CMIP: variants seen among roughly 807,000 people sequenced by gnomAD.
The protein encoded by CMIP is C-Maf-inducing protein.
CMIP carries 13 observed loss-of-function variants against 97.3 expected under a neutral mutation model. The ratio of observed to expected loss-of-function variants is 0.13; its 90% CI spans 0.09 to 0.21. The LOEUF (loss-of-function observed/expected upper bound fraction) is 0.21, where lower values mean the gene tolerates loss of function less well. CMIP is among the 10% of genes least tolerant of loss of function. CMIP has a pLI of 1.00. For missense variants in CMIP, 847 were observed against 1,024.9 expected (o/e 0.83, Z 2.37); for synonymous variants, 538 against 436.3 (o/e 1.23, Z -2.91).
intron 1 of CMIP, among the ~76,000 whole-genome samples, chr16:81,452,811 C>A (rs1484404533): frequency 6.6e-6 from 1 of 151,290 alleles, no homozygotes. Context: ...GACACACAGG[C>A]AGCTCCTTGC....
intron 3 of CMIP, among the ~76,000 whole-genome samples, chr16:81,632,493 T>G (rs970186777): frequency 6.6e-6 from 1 of 152,224 alleles, no homozygotes; most frequent in African/African-American, 2.4e-5. Context: ...CTTTTCTAGT[T>G]TCATAGTCTT....
rs939508092 is a variant in CMIP, at chr16:81,590,203, C to T, written c.301-17364C>T. On this transcript the variant is annotated intron_variant, in intron 1 of 20. Coordinates refer to ENST00000537098, the MANE Select transcript of CMIP (RefSeq NM_198390.3). The stretch of plus-strand genomic sequence containing the variant: ...CTCTGAGCCTCCGTTTCCCTCTGCT[C>T]GTCGGACAAAAACATCCCTCCCATT... Among the ~76,000 whole-genome samples, 3 of 152,202 alleles carry T rather than the reference C, an allele frequency of 2.0e-5. No homozygotes were observed. The East Asian group carries it at 5.8e-4, about 29-fold the overall frequency.
At chr16:81,567,506 T>A (rs754368782) in intron 1 of CMIP, among the ~76,000 whole-genome samples, 7 of 152,266 alleles carry the variant, frequency 4.6e-5, no homozygotes, top group Non-Finnish European at 8.8e-5. Flanking sequence ...ATTCCCTTGC[T>A]GCACAACTTT....
intron 1 of CMIP, among the ~76,000 whole-genome samples, chr16:81,572,344 G>A (rs1053180232): frequency 2.6e-5 from 4 of 152,324 alleles, no homozygotes; most frequent in Middle Eastern, 3.4e-3. Flanking sequence ...GAACGCGGTC[G>A]CTCTTGGAAA....
At chr16:81,564,153 G>T (rs1006073596) in intron 1 of CMIP, among the ~76,000 whole-genome samples, 1 of 152,216 alleles carries the variant, frequency 6.6e-6, no homozygotes, top group South Asian at 2.1e-4. Context: ...GATTTTAGTT[G>T]GTCAAATACA....
At position 81,693,430 on chromosome 16, in the gene CMIP, C is replaced by G. The variant is rs906945382; in HGVS notation, c.1482-9C>G. ...CCGGCAGTAACTCCGGCCGCCTCGTCTCTTCCAGGGAACTGAAGTACGTGA... is the reference window on the plus strand; with the variant it reads ...CCGGCAGTAACTCCGGCCGCCTCGTGTCTTCCAGGGAACTGAAGTACGTGA... On this transcript the variant is annotated splice_polypyrimidine_tract_variant and intron_variant, in intron 12 of 20. Coordinates refer to ENST00000537098, the MANE Select transcript of CMIP (RefSeq NM_198390.3). 6.2e-7 allele frequency: 1 copy of G among 1,611,074 alleles called. No individual in the cohort carries two copies. The highest frequency in any genetic ancestry group is 1.1e-5 in the South Asian group (1 of 90,506).
At chr16:81,628,703 C>T (rs1261835071) in intron 3 of CMIP, among the ~76,000 whole-genome samples, 1 of 152,150 alleles carries the variant, frequency 6.6e-6, no homozygotes, top group Non-Finnish European at 1.5e-5. Flanking sequence ...ACACTTCTCA[C>T]ACCTGATGTG....
intron 7 of CMIP, among the ~76,000 whole-genome samples, chr16:81,669,062 C>T (rs1404166529): frequency 1.4e-5 from 2 of 145,250 alleles, no homozygotes. Flanking sequence ...TCCACACCCA[C>T]CTCTCACACT....
chr16:81,484,855 A>G (rs574894026), intron 1 of CMIP, among the ~76,000 whole-genome samples: 2 of 151,894 alleles, frequency 1.3e-5, no homozygotes, highest in South Asian at 4.2e-4. Context: ...CTCTGTCCTT[A>G]TCCCCTTCCT....
chr16:81,690,058 C>A (rs980889071), intron 10 of CMIP, among the ~76,000 whole-genome samples: 5 of 152,122 alleles, frequency 3.3e-5, no homozygotes, highest in Admixed American at 6.5e-5. Flanking sequence ...GTTACTGTAG[C>A]CTTGTAGTAG....
At chr16:81,525,868 T>C (rs1374821710) in intron 1 of CMIP, among the ~76,000 whole-genome samples, 1 of 152,218 alleles carries the variant, frequency 6.6e-6, no homozygotes, top group Non-Finnish European at 1.5e-5. Context: ...ATCAGAAGAT[T>C]TGTCTTTTTG....
chr16:81,690,468 CAGGCATGGTGCCTCACACCTGTAATCCT>C (rs1905930103), intron 10 of CMIP, among the ~76,000 whole-genome samples: 1 of 152,214 alleles, frequency 6.6e-6, no homozygotes, highest in Admixed American at 6.5e-5. Flanking sequence ...CCACCAAGGC[CAGGCATGGTGCCTCACACCTGTAATCCT>C]AGCACTTTGA....
intron 1 of CMIP, among the ~76,000 whole-genome samples, chr16:81,472,834 G>C (rs945695153): frequency 6.6e-6 from 1 of 152,178 alleles, no homozygotes; most frequent in Non-Finnish European, 1.5e-5. Flanking sequence ...GGGACATCCA[G>C]GGGCACATCG....
At chr16:81,556,144 G>A (rs932528468) in intron 1 of CMIP, among the ~76,000 whole-genome samples, 1 of 152,192 alleles carries the variant, frequency 6.6e-6, no homozygotes, top group African/African-American at 2.4e-5. Flanking sequence ...AGAGATCTCA[G>A]GAGTAGAACA....
chr16:81,489,662 T>G (rs2089374890), intron 1 of CMIP, among the ~76,000 whole-genome samples: 1 of 152,156 alleles, frequency 6.6e-6, no homozygotes, highest in Non-Finnish European at 1.5e-5. Context: ...GGCTCCTGCT[T>G]CTGGTTTTAT....
Position 81,498,434 on chromosome 16 carries a change from G to A in CMIP, c.300+52893G>A, listed in dbSNP as rs377306033. 5.9e-5 allele frequency among the ~76,000 whole-genome samples: 9 copies of A among 152,274 alleles called. No homozygotes were observed. The East Asian group carries it at 1.5e-3, about 26-fold the overall frequency. The stretch of plus-strand genomic sequence containing the variant: ...TGGTCTGGGTCCTCACCTCTGCACC[G>A]AGTCCCCCTGGGGCTGCTCGGCAGC... On this transcript the variant is annotated intron_variant, in intron 1 of 20. Transcript: ENST00000537098.
In CMIP at chr16:81,627,185, T is replaced by C. The variant is rs1359429037; in HGVS notation, c.477+6259T>C. Reference sequence around the variant, plus strand: ...TGTGTGTGGCCTGTAGGGTGACTATTTTATGAGTGTGTGTGTGTGGCATGT... The same window carrying C: ...TGTGTGTGGCCTGTAGGGTGACTATCTTATGAGTGTGTGTGTGTGGCATGT... On this transcript the variant is annotated intron_variant, in intron 3 of 20. Coordinates refer to ENST00000537098, the MANE Select transcript of CMIP (RefSeq NM_198390.3). This position sits in a 1 kb window ranked among gnomAD's most constrained non-coding sequence, Gnocchi z 4.6. Among the ~76,000 whole-genome samples, 1 of 149,720 alleles carries C rather than the reference T, an allele frequency of 6.7e-6. No homozygotes were observed. The highest frequency in any genetic ancestry group is 1.5e-5 in the Non-Finnish European group (1 of 67,192).
intron 2 of CMIP, among the ~76,000 whole-genome samples, chr16:81,613,688 A>G (rs901999356): frequency 2.0e-5 from 3 of 152,228 alleles, no homozygotes; most frequent in Non-Finnish European, 4.4e-5. Context: ...AGTTTGGGGA[A>G]GAGAGGGAAT....
intron 1 of CMIP, among the ~76,000 whole-genome samples, chr16:81,447,321 C>T (rs1567520339): frequency 6.6e-6 from 1 of 151,728 alleles, no homozygotes. Context: ...GAACAGTGAC[C>T]TGCCATGGGA....
Sources: gnomAD v4.1 joint callset for allele counts (sites outside exome capture counted in the v4.1 genomes callset) on GRCh38, gnomAD v4.1.1 for gene constraint, Gnocchi (gnomAD v3.1) non-coding constraint, MANE v1.5 for transcripts, NCBI Gene and HGNC (gene_info 2026-07-23, HGNC 2026-07-21) for gene names.